Variants in MYO18B observed in about 807,000 individuals in gnomAD.
MYO18B encodes the protein myosin XVIIIB, also known as unconventional myosin-XVIIIb.
MYO18B carries 204 observed loss-of-function variants against 273.0 expected under a neutral mutation model. The ratio of observed to expected loss-of-function variants is 0.75; its 90% CI spans 0.67 to 0.84. The LOEUF (loss-of-function observed/expected upper bound fraction) is 0.84, where lower values mean the gene tolerates loss of function less well. MYO18B is among the 40% of genes least tolerant of loss of function. MYO18B has a pLI of 0.00. For missense variants in MYO18B, 3,212 were observed against 3,287.6 expected, an observed-to-expected ratio of 0.98 and a Z score of 0.56; for synonymous variants, 1,330 against 1,305.7, an observed-to-expected ratio of 1.02 and a Z score of -0.40.
chr22:25,898,611 C>A, intron 29 of MYO18B, 150 bp downstream of exon 29: 1 of 761,626 alleles, frequency 1.3e-6, no homozygotes. Context: ...CACCTTATTC[C>A]TGTATGGTTC....
At chr22:26,039,111 T>TG in the MYO18B span, among the ~76,000 whole-genome samples, 8,191 of 152,200 alleles carry the variant, frequency 0.054, 338 homozygotes, top group African/African-American at 0.12. Flanking sequence ...TTCCATCTTC[T>TG]CCTGCCTGCT....
intron 17 of MYO18B, 132 bp downstream of exon 17, chr22:25,835,575 G>A: frequency 9.4e-7 from 1 of 1,068,396 alleles, no homozygotes. Context: ...ATGTGCATGA[G>A]CCTGTGTATG....
At chr22:25,979,183 G>A (rs563297935) in intron 39 of MYO18B, among the ~76,000 whole-genome samples, 2 of 152,196 alleles carry the variant, frequency 1.3e-5, no homozygotes, top group African/African-American at 4.8e-5. Context: ...CAATCACGTG[G>A]GCTAGTGGGC....
At chr22:25,979,237 A>G (rs986651131) in intron 39 of MYO18B, among the ~76,000 whole-genome samples, 4 of 152,176 alleles carry the variant, frequency 2.6e-5, no homozygotes, top group African/African-American at 9.7e-5. Flanking sequence ...TTGAAATAAG[A>G]CATGTCAAAG....
intron 39 of MYO18B, among the ~76,000 whole-genome samples, chr22:25,957,698 C>T (rs1193550602): frequency 6.6e-6 from 1 of 152,196 alleles, no homozygotes; most frequent in East Asian, 1.9e-4. Context: ...TTCCTTGCCT[C>T]TTCCAGCTTC....
At chr22:26,005,313 T>C (rs541682716) in intron 42 of MYO18B, among the ~76,000 whole-genome samples, 1 of 152,202 alleles carries the variant, frequency 6.6e-6, no homozygotes, top group Non-Finnish European at 1.5e-5. Context: ...GGAAAGTCAT[T>C]ATAAAGAAAT....
At chr22:25,993,841 A>G (rs1932944199) in intron 40 of MYO18B, among the ~76,000 whole-genome samples, 1 of 152,202 alleles carries the variant, frequency 6.6e-6, no homozygotes, top group African/African-American at 2.4e-5. Context: ...TGAATAGTCA[A>G]GGAAAAAAAC....
At chr22:25,852,479 G>A (rs181655087) in intron 21 of MYO18B, among the ~76,000 whole-genome samples, 96 of 152,232 alleles carry the variant, frequency 6.3e-4, no homozygotes, top group African/African-American at 1.6e-3. Context: ...CAACTACACC[G>A]TAAACTCATG....
chr22:25,921,796 G>A lies in MYO18B; in HGVS notation c.5517+387G>A, dbSNP rs529724021. On this transcript the variant is annotated intron_variant, in intron 34 of 43. Transcript: ENST00000335473. The stretch of plus-strand genomic sequence containing the variant: ...TGTGTGTGGTGACTGCCAGGACTAG[G>A]TATGAGCCAAATAGCAATAGTGTGT... Among the ~76,000 whole-genome samples, 223 of 145,916 alleles carry A rather than the reference G, an allele frequency of 1.5e-3. 1 individual carries two copies. Among genetic ancestry groups the A allele is most frequent in the Non-Finnish European group, 1.6e-3 (103 of 66,314 alleles).
downstream of MYO18B, among the ~76,000 whole-genome samples, chr22:26,033,803 TC>T: frequency 6.7e-6 from 1 of 149,378 alleles, no homozygotes; most frequent in South Asian, 2.1e-4. Flanking sequence ...TCTCCTTCCT[TC>T]CTTTCTTTTT....
chr22:25,955,652 C>G lies in MYO18B; in HGVS notation c.6156+288C>G, dbSNP rs1003240239. ...CCAGACTTTCTTTTCCTGCTCCATT[C>G]ATTCCACTCCAATGGCAGGAAGGCC... On this transcript the variant is annotated intron_variant, in intron 39 of 43. Coordinates refer to ENST00000335473, the MANE Select transcript of MYO18B (RefSeq NM_032608.7). 5.9e-5 allele frequency among the ~76,000 whole-genome samples: 9 copies of G among 152,210 alleles called. 1 individual carries two copies. Among genetic ancestry groups the G allele is most frequent in the Non-Finnish European group, 1.2e-4 (8 of 68,036 alleles).
At chr22:25,786,108 T>G (rs2087376144) in intron 11 of MYO18B, among the ~76,000 whole-genome samples, 1 of 152,240 alleles carries the variant, frequency 6.6e-6, no homozygotes, top group Non-Finnish European at 1.5e-5. Flanking sequence ...GTTTTCTCCC[T>G]TCTCTCGCAA....
chr22:26,017,793 T>G (rs1259855449), intron 42 of MYO18B, among the ~76,000 whole-genome samples: 2 of 152,152 alleles, frequency 1.3e-5, no homozygotes, highest in Non-Finnish European at 2.9e-5. Context: ...TAATAGACTT[T>G]TTAGTTTTAA....
At chr22:25,854,564 T>C (rs2090514472) in intron 21 of MYO18B, among the ~76,000 whole-genome samples, 1 of 152,174 alleles carries the variant, frequency 6.6e-6, no homozygotes, top group Non-Finnish European at 1.5e-5. Flanking sequence ...TGATCAGTGG[T>C]ATTAAGTACA....
intron 12 of MYO18B, among the ~76,000 whole-genome samples, chr22:25,819,199 G>T (rs1251952608): frequency 1.3e-5 from 2 of 152,196 alleles, no homozygotes; most frequent in African/African-American, 4.8e-5. Context: ...CACCTGGATT[G>T]CACCAGCAGC....
intron 22 of MYO18B, among the ~76,000 whole-genome samples, chr22:25,872,372 C>T (rs1380378170): frequency 2.0e-5 from 3 of 152,266 alleles, no homozygotes; most frequent in Admixed American, 6.5e-5. Flanking sequence ...TTCATGTTGA[C>T]GGACATTGAG....
At chr22:26,001,675 G>A (rs5761350) in intron 40 of MYO18B, among the ~76,000 whole-genome samples, 20,290 of 152,204 alleles carry the variant, frequency 0.13, 3,908 homozygotes, top group African/African-American at 0.42. Flanking sequence ...AGCCCCCTGT[G>A]TGGACAGAGT....
chr22:26,027,166 G>T lies in MYO18B; in HGVS notation c.7192G>T (p.Asp2398Tyr), dbSNP rs1194987281. The change falls in exon 43 of 44, where the codon GAC becomes TAC. Residue 2398 changes from aspartate (D) to tyrosine (Y), a missense_variant. Physicochemically the swap from Asp to Tyr is radical, Grantham distance 160. Transcript: ENST00000335473. The surrounding 1 kb of genome is among the most constrained non-coding windows in gnomAD (Gnocchi z 4.1). Reference protein sequence around the residue: ...ESSVDDAGCPDLGKEPLVFQN... With the variant: ...ESSVDDAGCPYLGKEPLVFQN... The stretch of plus-strand genomic sequence containing the variant: ...CTCTGTGGACGATGCGGGCTGTCCA[G>T]ACCTTGGAAAGGAGCCGCTTGTTTT... The T allele has an allele frequency of 6.2e-7, 1 of 1,613,856 alleles. No individual in the cohort carries two copies. Among genetic ancestry groups the T allele is most frequent in the Non-Finnish European group, 8.5e-7 (1 of 1,179,904 alleles).
At chr22:26,012,992 A>G (rs1935034188) in intron 42 of MYO18B, among the ~76,000 whole-genome samples, 1 of 152,136 alleles carries the variant, frequency 6.6e-6, no homozygotes, top group African/African-American at 2.4e-5. Flanking sequence ...CTCCTTCCTC[A>G]AAGAAACCCA....
Sources: gnomAD v4.1 joint callset for allele counts (sites outside exome capture counted in the v4.1 genomes callset) on GRCh38, gnomAD v4.1.1 for gene constraint, Gnocchi (gnomAD v3.1) non-coding constraint, MANE v1.5 for transcripts, NCBI Gene and HGNC (gene_info 2026-07-23, HGNC 2026-07-21) for gene names.